RCOR1: variants seen among roughly 807,000 people sequenced by gnomAD.
The protein encoded by RCOR1 is REST corepressor.
A neutral mutation model predicts 64.0 loss-of-function variants in RCOR1; 12 were observed. That is an observed-to-expected ratio of 0.19 (90% CI 0.12 to 0.30). The LOEUF (loss-of-function observed/expected upper bound fraction) is 0.30, where lower values mean the gene tolerates loss of function less well. Ranked by LOEUF, RCOR1 falls within the 10% of genes least tolerant of loss-of-function variation. The pLI, the probability that RCOR1 is intolerant of heterozygous loss-of-function variation, is 1.00. For synonymous variants in RCOR1, 279 were observed against 227.2 expected (o/e 1.23, Z -2.05); for missense variants, 502 against 621.2 (o/e 0.81, Z 2.04).
At chr14:102,650,867 C>T (rs1567422000) in intron 2 of RCOR1, 1 of 386,484 alleles carries the variant, frequency 2.6e-6, no homozygotes, top group African/African-American at 2.2e-5. Flanking sequence ...ACTTACGGGA[C>T]TTGATTTAGA....
intron 2 of RCOR1, among the ~76,000 whole-genome samples, chr14:102,614,676 G>A (rs570150198): frequency 2.2e-4 from 34 of 152,138 alleles, no homozygotes; most frequent in African/African-American, 7.7e-4. Flanking sequence ...TTTTTGTACC[G>A]CATTCTTAGT....
At chr14:102,629,999 G>A (rs1452465774) in intron 2 of RCOR1, 3 of 977,138 alleles carry the variant, frequency 3.1e-6, no homozygotes, top group Admixed American at 6.2e-5. Flanking sequence ...TTTGTGTAAG[G>A]CAGAAGTGGG....
In RCOR1 at chr14:102,593,064, T is replaced by C. The variant is rs779343381; in HGVS notation, c.178T>C (p.Ser60Pro). 22 of 1,403,562 alleles carry C rather than the reference T, an allele frequency of 1.6e-5. No homozygotes were observed. Among genetic ancestry groups the C allele is most frequent in the East Asian group, 3.1e-5 (1 of 31,912 alleles). 86.9% of individuals were successfully genotyped at this position (1,403,562 alleles called of 1,614,324 possible). A position where few individuals can be genotyped will look rare whatever the true frequency, so the allele number is the denominator to read the frequency against. Reference sequence around the variant, plus strand: ...CTCCTCAGCCTCGGCCGCCGCCGCCTCAGCCGCCGCCGCCCCCAATAATGG... The same window carrying C: ...CTCCTCAGCCTCGGCCGCCGCCGCCCCAGCCGCCGCCGCCCCCAATAATGG... ...AASSASAAAA[S>P]AAAAPNNGQN... The change falls in exon 1 of 12, where the codon TCA becomes CCA. Residue 60 changes from serine to proline, a missense_variant. Ser to Pro is a moderately conservative substitution (Grantham distance 74). Transcript: ENST00000262241.
chr14:102,628,546 A>T (rs573888941), intron 2 of RCOR1, among the ~76,000 whole-genome samples: 72 of 151,982 alleles, frequency 4.7e-4, no homozygotes, highest in African/African-American at 1.7e-3. Context: ...TCCAAAAAAA[A>T]AAAAAGCCTT....
At chr14:102,641,357 T>G (rs1352634728) in intron 2 of RCOR1, among the ~76,000 whole-genome samples, 1 of 152,162 alleles carries the variant, frequency 6.6e-6, no homozygotes, top group Non-Finnish European at 1.5e-5. Flanking sequence ...CCTAGCACTT[T>G]TGGAGGCTGA....
chr14:102,605,299 T>A (rs1351011764), intron 2 of RCOR1, among the ~76,000 whole-genome samples: 1 of 152,174 alleles, frequency 6.6e-6, no homozygotes, highest in African/African-American at 2.4e-5. Context: ...ACTGAGTTGC[T>A]TTATTCCTGC....
At chr14:102,614,547 G>A (rs1031313370) in intron 2 of RCOR1, among the ~76,000 whole-genome samples, 3 of 152,130 alleles carry the variant, frequency 2.0e-5, no homozygotes, top group Admixed American at 2.0e-4. Context: ...TTAAATGTCA[G>A]ATATTGATAA....
chr14:102,670,410 TC>T (rs1162895724), intron 2 of RCOR1, among the ~76,000 whole-genome samples: 1 of 152,116 alleles, frequency 6.6e-6, no homozygotes, highest in Non-Finnish European at 1.5e-5. Context: ...CAAACAGCTG[TC>T]CTATTTATGA....
At chr14:102,717,722 C>A (rs777688755) in intron 8 of RCOR1, among the ~76,000 whole-genome samples, 14 of 152,026 alleles carry the variant, frequency 9.2e-5, no homozygotes, top group Non-Finnish European at 1.5e-4. Context: ...GAAAAAGAGG[C>A]CTTCCTCTTG....
At chr14:102,712,653 A>G (rs1595242381) in intron 7 of RCOR1, among the ~76,000 whole-genome samples, 1 of 143,600 alleles carries the variant, frequency 7.0e-6, no homozygotes, top group Non-Finnish European at 1.5e-5. Context: ...TTCTAGATAC[A>G]TTGTTAAGGC....
chr14:102,659,480 T>G (rs908260747), intron 2 of RCOR1, among the ~76,000 whole-genome samples: 4 of 152,204 alleles, frequency 2.6e-5, no homozygotes, highest in Non-Finnish European at 4.4e-5. Flanking sequence ...GGCACACATG[T>G]GTCAAACAAG....
chr14:102,714,292 C>T, intron 7 of RCOR1, 131 bp from the exon 8 acceptor site: 1 of 533,688 alleles, frequency 1.9e-6, no homozygotes, highest in South Asian at 4.7e-5. Context: ...ATTTATAGAT[C>T]TCATTTGGTT....
At chr14:102,638,899 G>A (rs1894300471) in intron 2 of RCOR1, among the ~76,000 whole-genome samples, 1 of 152,188 alleles carries the variant, frequency 6.6e-6, no homozygotes, top group Admixed American at 6.5e-5. Context: ...CTGATGTCAG[G>A]TGCTCCGCCT....
intron 2 of RCOR1, among the ~76,000 whole-genome samples, chr14:102,637,618 T>G (rs1028073129): frequency 9.2e-5 from 14 of 152,112 alleles, no homozygotes; most frequent in Admixed American, 2.6e-4. Flanking sequence ...GGCTAATGTT[T>G]AGTATTTTTT....
chr14:102,676,706 C>T, intron 2 of RCOR1, among the ~76,000 whole-genome samples: 1 of 113,882 alleles, frequency 8.8e-6, no homozygotes, highest in South Asian at 2.9e-4. Context: ...CCCTCCCGGA[C>T]TGGGCGGCTG....
intron 2 of RCOR1, among the ~76,000 whole-genome samples, chr14:102,678,085 C>A (rs546417730): frequency 2.0e-5 from 3 of 150,616 alleles, no homozygotes; most frequent in South Asian, 4.2e-4. Flanking sequence ...CGCCTGCAAT[C>A]GCAGGCACTC....
chr14:102,636,815 A>G (rs1894249399), intron 2 of RCOR1, among the ~76,000 whole-genome samples: 1 of 151,876 alleles, frequency 6.6e-6, no homozygotes, highest in Non-Finnish European at 1.5e-5. Context: ...TACTACAAAT[A>G]CAAAAATTAG....
chr14:102,620,406 A>G (rs1334460535), intron 2 of RCOR1, among the ~76,000 whole-genome samples: 1 of 152,110 alleles, frequency 6.6e-6, no homozygotes, highest in Admixed American at 6.5e-5. Flanking sequence ...CATCTCTACT[A>G]AAAATACAAA....
intron 2 of RCOR1, among the ~76,000 whole-genome samples, chr14:102,635,338 T>C (rs2139914976): frequency 6.6e-6 from 1 of 152,134 alleles, no homozygotes; most frequent in Admixed American, 6.5e-5. Flanking sequence ...AACCCATCTC[T>C]ACTAAAAATA....
Sources: allele counts gnomAD v4.1 joint callset (sites outside exome capture counted in the v4.1 genomes callset), GRCh38; gene constraint gnomAD v4.1.1; transcripts MANE v1.5; gene names NCBI Gene and HGNC (gene_info 2026-07-23, HGNC 2026-07-21).